The following ESPN variants were observed in gnomAD, a reference collection of about 807,000 sequenced individuals.
The protein encoded by ESPN is autosomal recessive deafness type 36 protein.
Under a neutral mutation model 77.7 loss-of-function variants are expected in ESPN, and 68 were observed. The ratio of observed to expected loss-of-function variants is 0.87; its 90% CI spans 0.72 to 1.07. ESPN has a LOEUF of 1.07. Among genes scored for constraint, ESPN ranks in the 50% least tolerant of loss-of-function variants. The pLI, the probability that ESPN is intolerant of heterozygous loss-of-function variation, is 0.00. For synonymous variants in ESPN, 449 were observed against 567.1 expected (o/e 0.79, Z 2.96); for missense variants, 1,060 against 1,239.0 (o/e 0.86, Z 2.17).
At position 6,444,599 on chromosome 1, in the gene ESPN, T is replaced by G; in HGVS notation, c.1109T>G (p.Leu370Arg). ...TCGGTCCAGCCGCTGAACTTTGACC[T>G]CAGCTCGCCTACCAGCACCCTCTCC... ...TVSVQPLNFD[L>R]SSPTSTLSNY... Residue 370 changes from leucine to arginine, a missense_variant, in exon 6 of 13, where the codon CTC becomes CGC. Leu to Arg is a moderately radical substitution (Grantham distance 102, BLOSUM62 -2). Around this residue, in one of 3 missense-constraint regions of ESPN, gnomAD observed 556 missense variants for 633.6 expected, o/e 0.88. Transcript: ENST00000645284. The G allele has an allele frequency of 6.2e-7, 1 of 1,614,166 alleles. No individual in the cohort carries two copies. The highest frequency in any genetic ancestry group is 1.1e-5 in the South Asian group (1 of 91,080).
chr1:6,443,375 G>C (rs1157155951), intron 5 of ESPN, among the ~76,000 whole-genome samples: 1 of 152,248 alleles, frequency 6.6e-6, no homozygotes, highest in Non-Finnish European at 1.5e-5. Context: ...GGGTGGCTCA[G>C]GCCAGGTGCA....
At chr1:6,441,148 A>G in intron 5 of ESPN, 83 bp downstream of exon 5, 2 of 1,543,866 alleles carry the variant, frequency 1.3e-6, no homozygotes, top group Non-Finnish European at 1.8e-6. Context: ...CCTTTTACCA[A>G]GGAGGAAGCT....
intron 12 of ESPN, among the ~76,000 whole-genome samples, chr1:6,459,509 GCTTAGTGACTACT>G (rs1160970657): frequency 6.6e-6 from 1 of 152,044 alleles, no homozygotes; most frequent in African/African-American, 2.4e-5. Flanking sequence ...AGCCACATGT[GCTTAGTGACTACT>G]CTGTCAACAG....
chr1:6,458,008 GAAA>G (rs34724255), intron 12 of ESPN, among the ~76,000 whole-genome samples: 1 of 85,626 alleles, frequency 1.2e-5, no homozygotes, highest in Non-Finnish European at 2.4e-5. Context: ...CTCATTCTGC[GAAA>G]AAAAAAAAAA....
At chr1:6,458,472 C>T (rs185215208) in intron 12 of ESPN, among the ~76,000 whole-genome samples, 1 of 151,376 alleles carries the variant, frequency 6.6e-6, no homozygotes, top group Non-Finnish European at 1.5e-5. Flanking sequence ...CCCGCCACCA[C>T]GCCCGGCTAA....
intron 8 of ESPN, among the ~76,000 whole-genome samples, chr1:6,449,924 C>T (rs1018144520): frequency 3.3e-5 from 5 of 152,152 alleles, no homozygotes; most frequent in African/African-American, 7.2e-5. Context: ...TGCTTAGTGG[C>T]ACCCCTCAAA....
At position 6,427,917 on chromosome 1, in the gene ESPN, G is replaced by T. The variant is rs111917811; in HGVS notation, c.295-309G>T. 7.2e-5 allele frequency among the ~76,000 whole-genome samples: 11 copies of T among 152,108 alleles called. No individual in the cohort carries two copies. The highest frequency in any genetic ancestry group is 5.9e-4 in the Admixed American group (9 of 15,288). ...CTGGGCCTGGTGCCAGTCTCCTGCC[G>T]TGACAACCAGGTGCCTGTCGTGTAG... is the stretch of plus-strand genomic sequence containing the variant. On this transcript the variant is annotated intron_variant, in intron 1 of 12. Coordinates refer to ENST00000645284, the MANE Select transcript of ESPN (RefSeq NM_031475.3). The surrounding 1 kb of genome is among the most constrained non-coding windows in gnomAD (Gnocchi z 4.6).
intron 2 of ESPN, among the ~76,000 whole-genome samples, chr1:6,438,704 G>C (rs946948547): frequency 3.3e-5 from 5 of 152,254 alleles, no homozygotes; most frequent in Non-Finnish European, 5.9e-5. Context: ...ATGGCACAGA[G>C]TCCCAGCCCC....
Position 6,451,827 on chromosome 1 carries a change from C to G in ESPN, c.2062-6C>G. On this transcript the variant is annotated splice_region_variant and splice_polypyrimidine_tract_variant and intron_variant, in intron 9 of 12. Transcript: ENST00000645284. This position sits in a 1 kb window ranked among gnomAD's most constrained non-coding sequence, Gnocchi z 4.3. ...GGGCGCTCAGCCCCACCGCTTCTCC[C>G]TGCAGCCCGATTCGCCGCTGCCTTC... is the stretch of plus-strand genomic sequence containing the variant. The G allele has an allele frequency of 6.2e-7, 1 of 1,611,218 alleles. No individual in the cohort carries two copies.
At chr1:6,434,197 C>T (rs186998703) in intron 2 of ESPN, among the ~76,000 whole-genome samples, 22 of 152,350 alleles carry the variant, frequency 1.4e-4, no homozygotes, top group African/African-American at 4.8e-4. Context: ...GCCACTGCAC[C>T]TGGCCTCCCA....
chr1:6,436,777 G>T (rs1047117839), intron 2 of ESPN, among the ~76,000 whole-genome samples: 10 of 152,172 alleles, frequency 6.6e-5, no homozygotes, highest in Non-Finnish European at 1.3e-4. Context: ...AAGGTGCTTG[G>T]ATTCCAGGTG....
chr1:6,429,354 G>A (rs1398004410), intron 2 of ESPN, among the ~76,000 whole-genome samples: 1 of 152,090 alleles, frequency 6.6e-6, no homozygotes, highest in Non-Finnish European at 1.5e-5. Context: ...CTAGGATTTG[G>A]ATCATGTCAA....
intron 2 of ESPN, among the ~76,000 whole-genome samples, chr1:6,432,261 C>G (rs1208738968): frequency 6.6e-6 from 1 of 152,216 alleles, no homozygotes; most frequent in Non-Finnish European, 1.5e-5. Flanking sequence ...GGAGGCTGTG[C>G]CTGGGGTGGT....
chr1:6,443,203 A>G (rs928557967), intron 5 of ESPN: 3 of 151,586 alleles, frequency 2.0e-5, no homozygotes, highest in Non-Finnish European at 4.4e-5. Context: ...ACAATATGGC[A>G]TTTACTGGGT....
At chr1:6,452,321 C>A (rs1366393589) in intron 10 of ESPN, among the ~76,000 whole-genome samples, 3 of 152,144 alleles carry the variant, frequency 2.0e-5, no homozygotes, top group Non-Finnish European at 4.4e-5. Context: ...TCTCCTGCCT[C>A]AGCCTCCCAG....
At chr1:6,449,364 A>T (rs925801739) in intron 8 of ESPN, among the ~76,000 whole-genome samples, 13 of 152,160 alleles carry the variant, frequency 8.5e-5, no homozygotes, top group African/African-American at 3.1e-4. Flanking sequence ...GGCCTGGGCA[A>T]GTCCCCTCCC....
intron 10 of ESPN, among the ~76,000 whole-genome samples, chr1:6,453,993 G>C (rs992647140): frequency 3.3e-5 from 5 of 152,186 alleles, no homozygotes; most frequent in Admixed American, 1.3e-4. Context: ...GGAAGGCTTG[G>C]GCCACAGGGG....
At chr1:6,436,120 G>A (rs1350274315) in intron 2 of ESPN, among the ~76,000 whole-genome samples, 1 of 152,206 alleles carries the variant, frequency 6.6e-6, no homozygotes, top group Non-Finnish European at 1.5e-5. Flanking sequence ...AAGGGCAGTG[G>A]TCTGTGCGGT....
chr1:6,438,435 CAAAG>C (rs1643510625), intron 2 of ESPN, among the ~76,000 whole-genome samples: 1 of 152,224 alleles, frequency 6.6e-6, no homozygotes, highest in African/African-American at 2.4e-5. Flanking sequence ...TTTGGGAAGA[CAAAG>C]AGACAAGAAG....
Sources: gnomAD v4.1 joint callset for allele counts (sites outside exome capture counted in the v4.1 genomes callset) on GRCh38, gnomAD v4.1.1 for gene constraint, gnomAD v4.1.1 regional missense constraint, Gnocchi (gnomAD v3.1) non-coding constraint, MANE v1.5 for transcripts, NCBI Gene and HGNC (gene_info 2026-07-23, HGNC 2026-07-21) for gene names.